Variants in ST6GALNAC3 observed in about 807,000 individuals in gnomAD.
The protein encoded by ST6GALNAC3 is ST6 N-acetylgalactosaminide alpha-2,6-sialyltransferase 3, also known as alpha-N-acetylgalactosaminide alpha-2,6-sialyltransferase 3.
ST6GALNAC3 carries 25 observed loss-of-function variants against 32.7 expected under a neutral mutation model. That is an observed-to-expected ratio of 0.76 (90% confidence interval 0.56 to 1.07). The LOEUF is 1.07. Among genes scored for constraint, ST6GALNAC3 ranks in the 50% least tolerant of loss-of-function variants. ST6GALNAC3 has a pLI of 0.00. For synonymous variants in ST6GALNAC3, 129 were observed against 133.1 expected (o/e 0.97, Z 0.21); for missense variants, 355 against 382.4 (o/e 0.93, Z 0.60).
At chr1:76,206,986 C>T (rs1302661527) in intron 1 of ST6GALNAC3, among the ~76,000 whole-genome samples, 1 of 152,060 alleles carries the variant, frequency 6.6e-6, no homozygotes, top group African/African-American at 2.4e-5. Context: ...TTTTTCATTC[C>T]ATTGACATTT....
At chr1:76,461,968 G>A (rs142873842) in intron 3 of ST6GALNAC3, among the ~76,000 whole-genome samples, 2,137 of 152,228 alleles carry the variant, frequency 0.014, 23 homozygotes, top group South Asian at 0.043. Flanking sequence ...ATGGTGCATA[G>A]CATGTCTTCA....
intron 2 of ST6GALNAC3, among the ~76,000 whole-genome samples, chr1:76,350,706 T>G (rs1189769509): frequency 6.6e-6 from 1 of 152,144 alleles, no homozygotes; most frequent in Non-Finnish European, 1.5e-5. Flanking sequence ...TAGATTAAAA[T>G]TACAATAATG....
chr1:76,431,127 A>G (rs1655723258), intron 3 of ST6GALNAC3, among the ~76,000 whole-genome samples: 1 of 152,086 alleles, frequency 6.6e-6, no homozygotes, highest in African/African-American at 2.4e-5. Flanking sequence ...TCAAATGCCC[A>G]TTTTAGAAGG....
intron 2 of ST6GALNAC3, among the ~76,000 whole-genome samples, chr1:76,383,935 T>C (rs904973187): frequency 3.3e-5 from 5 of 152,130 alleles, no homozygotes; most frequent in African/African-American, 9.6e-5. Context: ...AGATAATAAA[T>C]GGGAAATTTT....
chr1:76,525,829 G>A (rs1320963592), intron 3 of ST6GALNAC3, among the ~76,000 whole-genome samples: 3 of 52,028 alleles, frequency 5.8e-5, no homozygotes, highest in Admixed American at 2.3e-4. Context: ...ATATATATAT[G>A]ACCGTTTTGC....
chr1:76,214,833 C>T (rs777004476), intron 1 of ST6GALNAC3, among the ~76,000 whole-genome samples: 1 of 152,116 alleles, frequency 6.6e-6, no homozygotes, highest in Non-Finnish European at 1.5e-5. Context: ...AATGAGTTAA[C>T]CAGTCATGAG....
chr1:76,583,458 G>T, intron 3 of ST6GALNAC3, among the ~76,000 whole-genome samples: 1 of 152,086 alleles, frequency 6.6e-6, no homozygotes, highest in East Asian at 1.9e-4. Flanking sequence ...ATTAGGGATT[G>T]GTATAAGTCC....
chr1:76,441,053 A>G (rs1341513533), intron 3 of ST6GALNAC3, among the ~76,000 whole-genome samples: 5 of 143,710 alleles, frequency 3.5e-5, no homozygotes, highest in African/African-American at 1.0e-4. Context: ...ATGCCACTGC[A>G]CTCCAGCCTG....
chr1:76,121,730 A>T (rs965414298), intron 1 of ST6GALNAC3, among the ~76,000 whole-genome samples: 4 of 152,142 alleles, frequency 2.6e-5, no homozygotes, highest in African/African-American at 9.7e-5. Context: ...AACAAAAAAA[A>T]TGTGGGTCAG....
chr1:76,200,398 C>T (rs571685379), intron 1 of ST6GALNAC3, among the ~76,000 whole-genome samples: 2 of 152,274 alleles, frequency 1.3e-5, no homozygotes, highest in Admixed American at 1.3e-4. Context: ...CTGTGAGTTT[C>T]CAAGACCCAG....
At chr1:76,413,451 C>A (rs1008656044) in intron 3 of ST6GALNAC3, among the ~76,000 whole-genome samples, 5 of 152,072 alleles carry the variant, frequency 3.3e-5, no homozygotes, top group Admixed American at 6.6e-5. Context: ...TTTCACTATT[C>A]AATATTATCA....
chr1:76,474,122 A>C (rs956864097), intron 3 of ST6GALNAC3, among the ~76,000 whole-genome samples: 1 of 152,184 alleles, frequency 6.6e-6, no homozygotes, highest in Non-Finnish European at 1.5e-5. Flanking sequence ...CTCAGTCAAC[A>C]CATGTGGCAC....
chr1:76,507,029 C>T (rs1261684613), intron 3 of ST6GALNAC3, among the ~76,000 whole-genome samples: 1 of 152,188 alleles, frequency 6.6e-6, no homozygotes, highest in Non-Finnish European at 1.5e-5. Context: ...ACACATGCCT[C>T]TGCTGTTCAT....
chr1:76,350,705 A>G (rs1356005090), intron 2 of ST6GALNAC3, among the ~76,000 whole-genome samples: 1 of 152,216 alleles, frequency 6.6e-6, no homozygotes, highest in African/African-American at 2.4e-5. Flanking sequence ...ATAGATTAAA[A>G]TTACAATAAT....
chr1:76,554,403 C>G (rs1454901002), intron 3 of ST6GALNAC3, among the ~76,000 whole-genome samples: 1 of 152,090 alleles, frequency 6.6e-6, no homozygotes, highest in Non-Finnish European at 1.5e-5. Context: ...GTCAGTTTTA[C>G]TCAGCTTCAA....
In ST6GALNAC3 at chr1:76,212,163, C is replaced by T. The variant is rs201387748; in HGVS notation, c.19-101642C>T. 2.6e-5 allele frequency among the ~76,000 whole-genome samples: 4 copies of T among 152,138 alleles called. No homozygotes were observed. The East Asian group carries it at 7.7e-4, about 29-fold the overall frequency. On this transcript the variant is annotated intron_variant, in intron 1 of 4. Coordinates refer to ENST00000328299, the MANE Select transcript of ST6GALNAC3 (RefSeq NM_152996.4). ...TGGAGCTATGTTAAAGACTTCATTT[C>T]CATCCTCAGAAAAACATTCCATTTA...
chr1:76,635,385 T>C (rs1649478474), downstream of ST6GALNAC3, among the ~76,000 whole-genome samples: 1 of 152,230 alleles, frequency 6.6e-6, no homozygotes, highest in African/African-American at 2.4e-5. Context: ...CTTCTACTTA[T>C]ATGCCAGGCT....
At chr1:76,304,001 A>G (rs1660884328) in intron 1 of ST6GALNAC3, among the ~76,000 whole-genome samples, 1 of 151,964 alleles carries the variant, frequency 6.6e-6, no homozygotes, top group African/African-American at 2.4e-5. Flanking sequence ...TCAAATCTAC[A>G]CAGAAATCTT....
At chr1:76,435,858 TA>T (rs1656102819) in intron 3 of ST6GALNAC3, among the ~76,000 whole-genome samples, 2 of 115,154 alleles carry the variant, frequency 1.7e-5, no homozygotes, top group Admixed American at 8.5e-5. Context: ...TTTCTTTTTT[TA>T]TTTTTTTTTT....
Sources: allele counts gnomAD v4.1 joint callset (sites outside exome capture counted in the v4.1 genomes callset), GRCh38; gene constraint gnomAD v4.1.1; transcripts MANE v1.5; gene names NCBI Gene and HGNC (gene_info 2026-07-23, HGNC 2026-07-21).